The following ADCK5 variants were observed in gnomAD, a reference collection of about 807,000 sequenced individuals.
The protein encoded by ADCK5 is uncharacterized aarF domain-containing protein kinase 5.
In ADCK5, 43 loss-of-function variants were observed where a neutral mutation model predicts 64.9. The observed-to-expected ratio is 0.66, with a 90% CI of 0.52 to 0.85. The LOEUF (loss-of-function observed/expected upper bound fraction) is 0.85. ADCK5 is among the 40% of genes least tolerant of loss of function. The pLI, the probability that ADCK5 is intolerant of heterozygous loss-of-function variation, is 0.00. For synonymous variants in ADCK5, 434 were observed against 342.8 expected, an observed-to-expected ratio of 1.27 and a Z score of -2.94; for missense variants, 760 against 810.5, an observed-to-expected ratio of 0.94 and a Z score of 0.76.
Position 144,393,102 on chromosome 8 carries a change from C to T in ADCK5, c.*28C>T. 2 of 1,512,826 alleles carry T rather than the reference C, an allele frequency of 1.3e-6. No homozygotes were observed. Among genetic ancestry groups the T allele is most frequent in the South Asian group, 1.3e-5 (1 of 79,694 alleles). 93.7% of individuals were successfully genotyped at this position (1,512,826 alleles called of 1,614,324 possible). A position where few individuals can be genotyped will look rare whatever the true frequency, so the allele number is the denominator to read the frequency against. On this transcript the variant is annotated 3_prime_UTR_variant, in exon 15 of 15. Transcript: ENST00000308860. ...TGCAGCCGCCCAGGGCCGGCGGGGC[C>T]CTTTTCACCTTGGGCTGACGGAGGT... is the stretch of plus-strand genomic sequence containing the variant.
At chr8:144,385,234 G>A (rs1819862619) in intron 3 of ADCK5, among the ~76,000 whole-genome samples, 1 of 150,728 alleles carries the variant, frequency 6.6e-6, no homozygotes, top group African/African-American at 2.4e-5. Flanking sequence ...ACCCAGGGTG[G>A]AGTGCAGTGG....
chr8:144,373,755 G>A, upstream of ADCK5: 1 of 310,296 alleles, frequency 3.2e-6, no homozygotes, highest in Non-Finnish European at 5.9e-6. Context: ...ACCTCAGGAA[G>A]CCCTCAGCCC....
Position 144,390,669 on chromosome 8 carries a change from AG to A in ADCK5, c.267del. On this transcript the variant is annotated splice_acceptor_variant, in intron 3 of 14. Transcript: ENST00000308860. LOFTEE classifies it high-confidence loss of function. ...GGAGACTGAGGCCACCTCTGCCCGC[AG>A]GTCTCTGAAGGTCGGCCTGCAGATC... 1 of 1,613,360 alleles carries A rather than the reference AG, an allele frequency of 6.2e-7. No individual in the cohort carries two copies. The highest frequency in any genetic ancestry group is 8.5e-7 in the Non-Finnish European group (1 of 1,179,884).
intron 3 of ADCK5, chr8:144,389,279 C>T (rs782613726): frequency 2.4e-5 from 11 of 456,632 alleles, no homozygotes; most frequent in South Asian, 1.4e-4. Flanking sequence ...CCTCCCCAGG[C>T]CTTGGAGACC....
chr8:144,386,757 C>T (rs1354057139), intron 3 of ADCK5, among the ~76,000 whole-genome samples: 1 of 152,212 alleles, frequency 6.6e-6, no homozygotes, highest in Non-Finnish European at 1.5e-5. Flanking sequence ...AGCCCCGGTC[C>T]TCCCGCTCCC....
At chr8:144,375,026 G>T (rs1434867925) in intron 1 of ADCK5, among the ~76,000 whole-genome samples, 1 of 152,238 alleles carries the variant, frequency 6.6e-6, no homozygotes, top group Non-Finnish European at 1.5e-5. Context: ...AGCCTTGCCC[G>T]TCTGGCTATA....
chr8:144,392,755 C>G (rs782662179), intron 13 of ADCK5, 21 bp from the exon 14 acceptor site: 1 of 1,584,930 alleles, frequency 6.3e-7, no homozygotes, highest in Non-Finnish European at 8.6e-7. Context: ...GCTGACGCGG[C>G]GCTAACGCGG....
intron 3 of ADCK5, among the ~76,000 whole-genome samples, chr8:144,386,270 C>T (rs1015520906): frequency 1.1e-4 from 16 of 151,926 alleles, no homozygotes; most frequent in African/African-American, 3.9e-4. Flanking sequence ...CCTCAGCCTC[C>T]CAAATGGCTG....
At chr8:144,374,458 G>A (rs370308688) in intron 1 of ADCK5, among the ~76,000 whole-genome samples, 3 of 152,242 alleles carry the variant, frequency 2.0e-5, no homozygotes, top group East Asian at 3.9e-4. Flanking sequence ...CAGCCTCCCC[G>A]AGAGCTGGGA....
At chr8:144,391,099 T>C in intron 5 of ADCK5, 35 bp from the exon 6 acceptor site, 2 of 1,610,536 alleles carry the variant, frequency 1.2e-6, no homozygotes, top group Non-Finnish European at 1.7e-6. Context: ...CCTCCAGCAG[T>C]GGCCCCAGGC....
chr8:144,381,584 C>T (rs1819644775), intron 2 of ADCK5, among the ~76,000 whole-genome samples: 1 of 146,828 alleles, frequency 6.8e-6, no homozygotes, highest in Non-Finnish European at 1.5e-5. Flanking sequence ...GGATTATGGG[C>T]CGGGTGCAGA....
At chr8:144,388,589 C>A (rs539418091) in intron 3 of ADCK5, among the ~76,000 whole-genome samples, 6 of 151,908 alleles carry the variant, frequency 3.9e-5, no homozygotes, top group South Asian at 2.1e-4. Flanking sequence ...ACGGTGAAAC[C>A]CCATCTCTAC....
intron 1 of ADCK5, 144 bp downstream of exon 1, chr8:144,374,251 C>G (rs1186584311): frequency 1.9e-5 from 16 of 822,710 alleles, no homozygotes; most frequent in Non-Finnish European, 2.3e-5. Context: ...GCTCTGTCGC[C>G]CTGGAGCGCA....
Position 144,392,904 on chromosome 8 carries a change from CG to C in ADCK5, c.1637+16del. On this transcript the variant is annotated intron_variant, in intron 14 of 14. Transcript: ENST00000308860. ...GAAGTGGCGCTCAGGTGAGTGGCCG[CG>C]GGGCAGGTGGGTGGCGGGGGCCTGC... 1 of 1,599,128 alleles carries C rather than the reference CG, an allele frequency of 6.3e-7. No homozygotes were observed.
intron 3 of ADCK5, among the ~76,000 whole-genome samples, chr8:144,383,497 C>G (rs567043073): frequency 6.6e-6 from 1 of 152,304 alleles, no homozygotes; most frequent in Admixed American, 6.5e-5. Flanking sequence ...ACAGGCCCTT[C>G]CCTAGTTCAG....
Position 144,392,329 on chromosome 8 carries a change from C to T in ADCK5, c.1251C>T (p.Ala417=), listed in dbSNP as rs1362047030. 6.0e-5 allele frequency: 48 copies of T among 796,244 alleles called. No individual in the cohort carries two copies. The East Asian group carries it at 1.2e-3, about 19-fold the overall frequency. 49.3% of individuals were successfully genotyped at this position (796,244 alleles called of 1,614,324 possible). A position where few individuals can be genotyped will look rare whatever the true frequency, so the allele number is the denominator to read the frequency against. The change falls in exon 12 of 15, where the codon GCC becomes GCT. Residue 417 remains alanine (A), a synonymous_variant. Transcript: ENST00000308860. ...ACGCCGCCATGAGGGCGCACGCAGC[C>T]GCACTGGGGGTGCAAGGTGAGGGCG... is the stretch of plus-strand genomic sequence containing the variant. ...RDDAAMRAHA[A]ALGVQDYLLF...
At position 144,393,032 on chromosome 8, in the gene ADCK5, C is replaced by T. The variant is rs1331467915; in HGVS notation, c.1701C>T (p.Leu567=). 1.3e-6 allele frequency: 2 copies of T among 1,590,462 alleles called. No homozygotes were observed. The highest frequency in any genetic ancestry group is 8.5e-7 in the Non-Finnish European group (1 of 1,172,360). The change falls in exon 15 of 15, where the codon CTC becomes CTT. Residue 567 remains leucine (L), a synonymous_variant. Transcript: ENST00000308860. Reference sequence around the variant, plus strand: ...CTCGTGCTCTGGTCCACCTGAGCCTCGTGCCCCCAGCGGAGGAGCTCTACC... The same window carrying T: ...CTCGTGCTCTGGTCCACCTGAGCCTTGTGCCCCCAGCGGAGGAGCTCTACC... The part of the protein sequence containing the change: ...LLARALVHLS[L]VPPAEELYQY...
chr8:144,374,047 G>A lies in ADCK5; in HGVS notation c.-49G>A, dbSNP rs1300942314. On this transcript the variant is annotated 5_prime_UTR_variant, in exon 1 of 15. Coordinates refer to ENST00000308860, the MANE Select transcript of ADCK5 (RefSeq NM_174922.5). ...CCTCCCGCAGGGCCTGCTGGGCTGC[G>A]AGACGCTAAGCGGCGCCGGGCGGGA... 22 of 1,244,236 alleles carry A rather than the reference G, an allele frequency of 1.8e-5. No homozygotes were observed. The highest frequency in any genetic ancestry group is 2.0e-5 in the Non-Finnish European group (20 of 988,128). 77.1% of individuals were successfully genotyped at this position (1,244,236 alleles called of 1,614,324 possible).
rs782587295 is a variant in ADCK5 at position 144,391,173 on chromosome 8, C to G, written c.583C>G (p.His195Asp). The stretch of plus-strand genomic sequence containing the variant: ...CCTTGAGGACTTCCAGGCCCTCCCC[C>G]ACGAGCTCTTCCAGGAGTTTGACTA... Reference protein sequence around the residue: ...LFLEDFQALPHELFQEFDYQP... With the variant: ...LFLEDFQALPDELFQEFDYQP... The change falls in exon 6 of 15, where the codon CAC becomes GAC. Residue 195 changes from histidine to aspartate, a missense_variant. Physicochemically the swap from His to Asp is moderately conservative, Grantham distance 81 (BLOSUM62 -1). Around this residue, in one of 2 missense-constraint regions of ADCK5, gnomAD observed 427 missense variants for 518.4 expected, o/e 0.82. Transcript: ENST00000308860. 1 of 1,611,970 alleles carries G rather than the reference C, an allele frequency of 6.2e-7. No homozygotes were observed. The highest frequency in any genetic ancestry group is 1.1e-5 in the South Asian group (1 of 91,076).
Sources: gnomAD v4.1 joint callset for allele counts (sites outside exome capture counted in the v4.1 genomes callset) on GRCh38, gnomAD v4.1.1 for gene constraint, gnomAD v4.1.1 regional missense constraint, MANE v1.5 for transcripts, NCBI Gene and HGNC (gene_info 2026-07-23, HGNC 2026-07-21) for gene names.